Variants in SAFB2 observed in about 807,000 individuals in gnomAD.
The protein encoded by SAFB2 is scaffold attachment factor B2.
In SAFB2, 32 loss-of-function variants were observed where a neutral mutation model predicts 100.6. That is an observed-to-expected ratio of 0.32 (90% confidence interval 0.24 to 0.43). SAFB2 has a LOEUF of 0.43. Among genes scored for constraint, SAFB2 ranks in the 20% least tolerant of loss-of-function variants. The pLI is 1.00. For synonymous variants in SAFB2, 500 were observed against 439.4 expected, an observed-to-expected ratio of 1.14 and a Z score of -1.72; for missense variants, 1,185 against 1,163.4, an observed-to-expected ratio of 1.02 and a Z score of -0.27.
intron 9 of SAFB2, among the ~76,000 whole-genome samples, chr19:5,607,661 G>A (rs1047893171): frequency 6.6e-6 from 1 of 152,178 alleles, no homozygotes; most frequent in African/African-American, 2.4e-5. Flanking sequence ...TAGATCTAAC[G>A]CCAAGCCCAC....
At chr19:5,600,449 C>A (rs1455398112) in intron 11 of SAFB2, among the ~76,000 whole-genome samples, 189 bp from the exon 12 acceptor site, 1 of 152,192 alleles carries the variant, frequency 6.6e-6, no homozygotes, top group African/African-American at 2.4e-5. Context: ...AGGCTGTATT[C>A]CCACTTCTAG....
intron 9 of SAFB2, among the ~76,000 whole-genome samples, chr19:5,609,051 C>CAAA (rs60419324): frequency 3.7e-4 from 27 of 72,622 alleles, no homozygotes; most frequent in Non-Finnish European, 5.3e-4. Context: ...GACGCAGTCT[C>CAAA]AAAAAAAAAA....
chr19:5,603,653 C>T (rs2052710617), intron 11 of SAFB2, among the ~76,000 whole-genome samples: 2 of 151,682 alleles, frequency 1.3e-5, no homozygotes, highest in Non-Finnish European at 2.9e-5. Flanking sequence ...AAGGTGCCAC[C>T]GTGAACTCAC....
In SAFB2 at chr19:5,611,504, G is replaced by A. The variant is rs1293615487; in HGVS notation, c.761C>T (p.Ala254Val). 9.2e-6 allele frequency: 4 copies of A among 432,734 alleles called. No individual in the cohort carries two copies. The highest frequency in any genetic ancestry group is 2.2e-5 in the South Asian group (1 of 44,542). 26.8% of individuals were successfully genotyped at this position (432,734 alleles called of 1,614,324 possible). ...TSSVGPDRKL[A>V]EEEDLFDSAH... ...GCTGTCAAATAGGTCCTCTTCCTCC[G>A]CAAGCTTTCTGTCTGGCCCCACGCT... The change falls in exon 7 of 21, where the codon GCG (alanine) becomes GTG (valine). Residue 254 changes from alanine to valine, a missense_variant. By Grantham distance (64) the Ala-to-Val change is moderately conservative (BLOSUM62 0). Transcript: ENST00000252542.
At chr19:5,612,250 C>T in intron 6 of SAFB2, 1 of 487,018 alleles carries the variant, frequency 2.1e-6, no homozygotes, top group Non-Finnish European at 3.7e-6. Flanking sequence ...TGTGTAGAAA[C>T]ACATGGAGGA....
chr19:5,612,512 A>G (rs1350014875), intron 6 of SAFB2, 28 bp downstream of exon 6: 12 of 1,604,090 alleles, frequency 7.5e-6, no homozygotes, highest in South Asian at 2.2e-5. Context: ...CTTTCAAACC[A>G]TAACTGTCGT....
At chr19:5,616,099 G>A (rs745732982) in intron 4 of SAFB2, 33 bp downstream of exon 4, 2 of 1,606,444 alleles carry the variant, frequency 1.2e-6, no homozygotes, top group Non-Finnish European at 1.7e-6. Flanking sequence ...TCGGGGCTAT[G>A]GGCACATCCT....
rs576128131 is a variant in SAFB2, at chr19:5,595,045, C to T, written c.1919+316G>A. On this transcript the variant is annotated intron_variant, in intron 14 of 20. Coordinates refer to ENST00000252542, the MANE Select transcript of SAFB2 (RefSeq NM_014649.3). ...TAAATATTTTGTAGAGGTGGGGTCT[C>T]GCTACATTGCCTAGGATGGTCTTGA... Among the ~76,000 whole-genome samples, 26 of 152,248 alleles carry T rather than the reference C, an allele frequency of 1.7e-4. 1 individual carries two copies. The South Asian group carries it at 2.7e-3, about 16-fold the overall frequency.
At chr19:5,594,835 T>C (rs2052502017) in intron 14 of SAFB2, among the ~76,000 whole-genome samples, 1 of 152,050 alleles carries the variant, frequency 6.6e-6, no homozygotes, top group Non-Finnish European at 1.5e-5. Context: ...AAACCCCATA[T>C]ACTGTAAAGG....
At chr19:5,613,584 T>C (rs2052957388) in intron 4 of SAFB2, 57 bp from the exon 5 acceptor site, 3 of 1,588,476 alleles carry the variant, frequency 1.9e-6, no homozygotes, top group Non-Finnish European at 2.6e-6. Flanking sequence ...AAACCAAGGC[T>C]GACACCTCGC....
chr19:5,587,088 T>TTAAA lies in SAFB2; in HGVS notation c.*154_*155insTTTA, dbSNP rs1555683608. Reference sequence around the variant, plus strand: ...ATGGCAGAACAAGAACACATTTATTTAAAAAAAAAAAAAAAGTGAGTTCAC... The same window carrying TTAAA: ...ATGGCAGAACAAGAACACATTTATTTTAAAAAAAAAAAAAAAAAAGTGAGTTCAC... On this transcript the variant is annotated 3_prime_UTR_variant, in exon 21 of 21. Coordinates refer to ENST00000252542, the MANE Select transcript of SAFB2 (RefSeq NM_014649.3). The surrounding 1 kb of genome is among the most constrained non-coding windows in gnomAD (Gnocchi z 4.9). 5.1e-6 allele frequency: 4 copies of TTAAA among 791,490 alleles called. No individual in the cohort carries two copies. The highest frequency in any genetic ancestry group is 2.8e-5 in the Admixed American group (1 of 35,486). 49.0% of individuals were successfully genotyped at this position (791,490 alleles called of 1,614,324 possible). A position where few individuals can be genotyped will look rare whatever the true frequency, so the allele number is the denominator to read the frequency against.
At position 5,587,787 on chromosome 19, in the gene SAFB2, T is replaced by A; in HGVS notation, c.2639-20A>T. Reference sequence around the variant, plus strand: ...CGCCACCTAGAAGAGAAGAAGGGTCTGCAAACACTCCGTTCCTGGGGAAGC... The same window carrying A: ...CGCCACCTAGAAGAGAAGAAGGGTCAGCAAACACTCCGTTCCTGGGGAAGC... On this transcript the variant is annotated intron_variant, in intron 19 of 20. Transcript: ENST00000252542. This position sits in a 1 kb window ranked among gnomAD's most constrained non-coding sequence, Gnocchi z 4.9. 1 of 1,553,852 alleles carries A rather than the reference T, an allele frequency of 6.4e-7. No individual in the cohort carries two copies. The highest frequency in any genetic ancestry group is 8.7e-7 in the Non-Finnish European group (1 of 1,148,406).
chr19:5,612,203 A>C (rs2052922986), intron 6 of SAFB2: 3 of 391,876 alleles, frequency 7.7e-6, no homozygotes, highest in Non-Finnish European at 1.4e-5. Context: ...TGCGTTAATC[A>C]AAATGACTGC....
chr19:5,606,284 A>T (rs181344550), intron 9 of SAFB2, among the ~76,000 whole-genome samples: 1 of 152,254 alleles, frequency 6.6e-6, no homozygotes, highest in Non-Finnish European at 1.5e-5. Context: ...TAGAGATACA[A>T]GTATAACTAG....
intron 11 of SAFB2, 110 bp from the exon 12 acceptor site, chr19:5,600,370 C>A: frequency 7.0e-7 from 1 of 1,433,450 alleles, no homozygotes; most frequent in Non-Finnish European, 9.4e-7. Context: ...AAACAAATCA[C>A]CCCGGCAGCA....
Position 5,587,103 on chromosome 19 carries a change from AGT to A in SAFB2, c.*138_*139del. On this transcript the variant is annotated 3_prime_UTR_variant, in exon 21 of 21. Coordinates refer to ENST00000252542, the MANE Select transcript of SAFB2 (RefSeq NM_014649.3). This position sits in a 1 kb window ranked among gnomAD's most constrained non-coding sequence, Gnocchi z 4.9. ...CACATTTATTTAAAAAAAAAAAAAA[AGT>A]GAGTTCACATTGTATTGAGCTACAA... The A allele has an allele frequency of 9.2e-7, 1 of 1,085,274 alleles. No individual in the cohort carries two copies. Among genetic ancestry groups the A allele is most frequent in the Non-Finnish European group, 1.3e-6 (1 of 767,910 alleles). 67.2% of individuals were successfully genotyped at this position (1,085,274 alleles called of 1,614,324 possible).
At chr19:5,602,348 T>C (rs1177748525) in intron 11 of SAFB2, among the ~76,000 whole-genome samples, 2 of 151,430 alleles carry the variant, frequency 1.3e-5, no homozygotes, top group African/African-American at 2.4e-5. Flanking sequence ...GGCGTGGTGG[T>C]AGGCGCCTAT....
intron 11 of SAFB2, among the ~76,000 whole-genome samples, chr19:5,600,583 A>G (rs1036328981): frequency 6.6e-6 from 1 of 152,180 alleles, no homozygotes; most frequent in Non-Finnish European, 1.5e-5. Context: ...CTACATAAGA[A>G]CACTTCTAAA....
At chr19:5,601,851 G>A (rs1802344579) in intron 11 of SAFB2, among the ~76,000 whole-genome samples, 1 of 152,140 alleles carries the variant, frequency 6.6e-6, no homozygotes, top group African/African-American at 2.4e-5. Flanking sequence ...TTTCCTTCCA[G>A]TAGATAAATA....
Sources: allele counts gnomAD v4.1 joint callset (sites outside exome capture counted in the v4.1 genomes callset), GRCh38; gene constraint gnomAD v4.1.1; non-coding constraint Gnocchi (gnomAD v3.1); transcripts MANE v1.5; gene names NCBI Gene and HGNC (gene_info 2026-07-23, HGNC 2026-07-21).